The following SATB2 variants were observed in gnomAD, a reference collection of about 807,000 sequenced individuals.
SATB2 encodes SATB homeobox 2.
Under a neutral mutation model 73.4 loss-of-function variants are expected in SATB2, and 1 was observed. The observed-to-expected ratio is 0.01, with a 90% confidence interval of 0.00 to 0.06. SATB2 has a LOEUF of 0.06. SATB2 is among the 10% of genes least tolerant of loss of function. The probability of loss-of-function intolerance (pLI) is 1.00; values close to 1 mark genes in which losing one functional copy is unlikely to be tolerated. For synonymous variants in SATB2, 397 were observed against 367.0 expected, an observed-to-expected ratio of 1.08 and a Z score of -0.93; for missense variants, 459 against 945.8, an observed-to-expected ratio of 0.49 and a Z score of 6.75.
upstream of SATB2, among the ~76,000 whole-genome samples, chr2:199,462,073 C>T (rs972584707): frequency 9.2e-5 from 14 of 152,314 alleles, no homozygotes; most frequent in Admixed American, 8.5e-4. This position sits in a 1 kb window ranked among gnomAD's most constrained non-coding sequence, Gnocchi z 5.9. Flanking sequence ...AGGTCCATGG[C>T]TTTCAAGTTC....
intron 5 of SATB2, among the ~76,000 whole-genome samples, chr2:199,378,005 C>T (rs113667658): frequency 2.0e-5 from 3 of 152,040 alleles, no homozygotes; most frequent in Non-Finnish European, 2.9e-5. Context: ...GACAACCCTC[C>T]GAACTATGTG....
intron 5 of SATB2, among the ~76,000 whole-genome samples, chr2:199,371,887 A>G (rs1056048342): frequency 2.0e-5 from 3 of 152,164 alleles, no homozygotes; most frequent in African/African-American, 7.2e-5. Context: ...TGATTTACTA[A>G]GGCTAATATT....
At chr2:199,351,000 AGCCTGAGT>A (rs1688799650) in intron 6 of SATB2, among the ~76,000 whole-genome samples, 1 of 147,946 alleles carries the variant, frequency 6.8e-6, no homozygotes, top group African/African-American at 2.5e-5. Context: ...ACTGCACTCC[AGCCTGAGT>A]GACGAGCGAG....
upstream of SATB2, chr2:199,458,826 C>G (rs935290149): frequency 1.8e-5 from 6 of 330,072 alleles, no homozygotes; most frequent in East Asian, 1.5e-4. Flanking sequence ...GCGAGCTCCC[C>G]CTCCGCGCCG....
In SATB2 at chr2:199,435,824, T is replaced by C. The variant is rs535630924; in HGVS notation, c.170-2310A>G. On this transcript the variant is annotated intron_variant, in intron 2 of 10. Coordinates refer to ENST00000417098, the MANE Select transcript of SATB2 (RefSeq NM_001172509.2). ...CCTAAGCAAGCATAATGGCATTTTA[T>C]AGGACTCATTCATGAGAGTCCCTAC... Among the ~76,000 whole-genome samples the C allele has an allele frequency of 1.2e-4, 19 of 152,342 alleles. No homozygotes were observed. The South Asian group carries it at 3.7e-3, about 30-fold the overall frequency.
chr2:199,366,249 T>C (rs750701831), intron 6 of SATB2, among the ~76,000 whole-genome samples: 1 of 152,128 alleles, frequency 6.6e-6, no homozygotes, highest in African/African-American at 2.4e-5. Context: ...GTTTCACTAC[T>C]ACTGGTTTCC....
chr2:199,430,006 A>G (rs1230373925), intron 3 of SATB2, among the ~76,000 whole-genome samples: 2 of 152,232 alleles, frequency 1.3e-5, no homozygotes, highest in African/African-American at 4.8e-5. Flanking sequence ...CCACTTACAA[A>G]TTAAATCAAA....
At chr2:199,361,383 G>A (rs1689132902) in intron 6 of SATB2, among the ~76,000 whole-genome samples, 1 of 151,698 alleles carries the variant, frequency 6.6e-6, no homozygotes, top group Non-Finnish European at 1.5e-5. Context: ...TGCATTGGTG[G>A]CTTCCTGTCT....
At chr2:199,399,087 A>T (rs1206817534) in intron 3 of SATB2, among the ~76,000 whole-genome samples, 1 of 152,118 alleles carries the variant, frequency 6.6e-6, no homozygotes, top group East Asian at 1.9e-4. Flanking sequence ...CCTGAGCAAC[A>T]TGACAAAATC....
chr2:199,425,439 A>G (rs1478372254), intron 3 of SATB2, among the ~76,000 whole-genome samples: 2 of 152,236 alleles, frequency 1.3e-5, no homozygotes, highest in Non-Finnish European at 2.9e-5. Flanking sequence ...CATGGAGGAA[A>G]TAATAAGCTA....
intron 9 of SATB2, among the ~76,000 whole-genome samples, chr2:199,311,445 C>T (rs570591046): frequency 1.6e-4 from 25 of 152,234 alleles, no homozygotes; most frequent in African/African-American, 5.8e-4. Flanking sequence ...CCAGCTGCCT[C>T]AGTAATTAGC....
chr2:199,458,435 C>G (rs1692363742), upstream of SATB2: 2 of 391,886 alleles, frequency 5.1e-6, no homozygotes, highest in South Asian at 3.5e-5. Context: ...GGCGAAGGAC[C>G]GATGGCAGAG....
chr2:199,458,578 A>G, upstream of SATB2: 1 of 426,066 alleles, frequency 2.3e-6, no homozygotes, highest in South Asian at 1.6e-5. Context: ...CCCAGCCCCT[A>G]GGCGCACTCG....
chr2:199,444,485 C>T lies in SATB2; in HGVS notation c.170-10971G>A, dbSNP rs564105187. ...TAATCTCAAAAAGATTTCATTTTCCCTAGAGTCCTTGGTTCATAAATTATT... is the reference window on the plus strand; with the variant it reads ...TAATCTCAAAAAGATTTCATTTTCCTTAGAGTCCTTGGTTCATAAATTATT... On this transcript the variant is annotated intron_variant, in intron 2 of 10. Transcript: ENST00000417098. 5.3e-5 allele frequency among the ~76,000 whole-genome samples: 8 copies of T among 152,188 alleles called. No individual in the cohort carries two copies. In the East Asian group the frequency reaches 1.4e-3, roughly 26 times the overall value.
chr2:199,307,417 C>A (rs919946479), intron 10 of SATB2, among the ~76,000 whole-genome samples: 2 of 152,038 alleles, frequency 1.3e-5, no homozygotes, highest in African/African-American at 4.8e-5. Flanking sequence ...AGAAGGTGCC[C>A]TGGTGGTGGA....
intron 3 of SATB2, among the ~76,000 whole-genome samples, chr2:199,388,320 T>C (rs1200907686): frequency 6.6e-6 from 1 of 152,186 alleles, no homozygotes; most frequent in Non-Finnish European, 1.5e-5. Flanking sequence ...AGCTTATTAT[T>C]GCTAAACACA....
intron 3 of SATB2, among the ~76,000 whole-genome samples, chr2:199,415,876 C>T (rs1240729575): frequency 6.6e-6 from 1 of 152,176 alleles, no homozygotes; most frequent in Non-Finnish European, 1.5e-5. Context: ...CCTCCAGGGC[C>T]AGTAACACTC....
rs1222948426 is a variant in SATB2, at chr2:199,463,049, G to A, written c.-141+1787C>T. Among the ~76,000 whole-genome samples the A allele has an allele frequency of 6.6e-6, 1 of 152,136 alleles. No homozygotes were observed. The highest frequency in any genetic ancestry group is 1.5e-5 in the Non-Finnish European group (1 of 68,014). On this transcript the variant is annotated intron_variant, in intron 1 of 11. Coordinates refer to the SATB2 transcript ENST00000260926. This position sits in a 1 kb window ranked among gnomAD's most constrained non-coding sequence, Gnocchi z 6.4. Reference sequence around the variant, plus strand: ...AAGCGAGGAGATAGGTTTCAGAGCTGGGGGAGTCGTTGGTGGGAGATCTGG... The same window carrying A: ...AAGCGAGGAGATAGGTTTCAGAGCTAGGGGAGTCGTTGGTGGGAGATCTGG...
At chr2:199,302,654 G>A (rs1435914064) in intron 10 of SATB2, among the ~76,000 whole-genome samples, 2 of 152,198 alleles carry the variant, frequency 1.3e-5, no homozygotes, top group African/African-American at 4.8e-5. Context: ...AGCTTGGAAT[G>A]AATCCAAGGT....
Sources: allele counts gnomAD v4.1 joint callset (sites outside exome capture counted in the v4.1 genomes callset), GRCh38; gene constraint gnomAD v4.1.1; non-coding constraint Gnocchi (gnomAD v3.1); transcripts MANE v1.5; gene names NCBI Gene and HGNC (gene_info 2026-07-23, HGNC 2026-07-21).